Variants in EYA1 observed in about 807,000 individuals in gnomAD.
EYA1 encodes protein phosphatase EYA1.
Under a neutral mutation model 82.0 loss-of-function variants are expected in EYA1, and 16 were observed. The ratio of observed to expected loss-of-function variants is 0.20; its 90% CI spans 0.13 to 0.30. The LOEUF (loss-of-function observed/expected upper bound fraction) is 0.30, where lower values mean the gene tolerates loss of function less well. Ranked by LOEUF, EYA1 falls within the 10% of genes least tolerant of loss-of-function variation. EYA1 has a pLI of 1.00. For synonymous variants in EYA1, 261 were observed against 264.4 expected, an observed-to-expected ratio of 0.99 and a Z score of 0.12; for missense variants, 633 against 730.7, an observed-to-expected ratio of 0.87 and a Z score of 1.54.
At position 71,515,828 on chromosome 8, in the gene EYA1, T is replaced by C. The variant is rs531298796; in HGVS notation, c.33+19916A>G. Among the ~76,000 whole-genome samples, 3 of 152,324 alleles carry C rather than the reference T, an allele frequency of 2.0e-5. No homozygotes were observed. The South Asian group carries it at 6.2e-4, about 32-fold the overall frequency. On this transcript the variant is annotated intron_variant, in intron 2 of 18. Coordinates refer to the EYA1 transcript ENST00000643681. ...ACAAGACCTTTTGCAATTCAAACTT[T>C]CTTTTGAAATTCTTATTTATTTTCT...
At chr8:71,475,968 A>T (rs1356384874) in intron 2 of EYA1, among the ~76,000 whole-genome samples, 1 of 152,176 alleles carries the variant, frequency 6.6e-6, no homozygotes, top group Non-Finnish European at 1.5e-5. Context: ...TGCATTTCCT[A>T]ATTTAAAGCT....
intron 2 of EYA1, among the ~76,000 whole-genome samples, chr8:71,525,783 T>C (rs1813767254): frequency 6.6e-6 from 1 of 152,212 alleles, no homozygotes; most frequent in South Asian, 2.1e-4. Context: ...CCAAAGGTGC[T>C]TGATTCCCTG....
At chr8:71,244,161 C>A (rs577329356) in intron 12 of EYA1, among the ~76,000 whole-genome samples, 1 of 152,130 alleles carries the variant, frequency 6.6e-6, no homozygotes, top group East Asian at 1.9e-4. Flanking sequence ...ACAGCAGAGG[C>A]CAGACTAAAA....
chr8:71,344,187 G>A (rs765815202), intron 3 of EYA1, among the ~76,000 whole-genome samples: 1 of 151,854 alleles, frequency 6.6e-6, no homozygotes, highest in Non-Finnish European at 1.5e-5. Context: ...TGTGCCATTC[G>A]ATGACTTTCA....
chr8:71,545,346 C>T (rs1186418728), intron 1 of EYA1, among the ~76,000 whole-genome samples: 3 of 151,962 alleles, frequency 2.0e-5, no homozygotes, highest in African/African-American at 7.3e-5. Flanking sequence ...CTTTTTATAT[C>T]CAAAAAGAAA....
chr8:71,229,509 A>G (rs1168399034), intron 12 of EYA1, among the ~76,000 whole-genome samples: 2 of 152,196 alleles, frequency 1.3e-5, no homozygotes, highest in African/African-American at 4.8e-5. Flanking sequence ...CTAACGCTGG[A>G]CCAAACACAT....
chr8:71,255,711 T>C (rs752952125), intron 11 of EYA1, among the ~76,000 whole-genome samples: 2 of 151,826 alleles, frequency 1.3e-5, no homozygotes, highest in Non-Finnish European at 2.9e-5. Flanking sequence ...GCAAAGGCAA[T>C]AACCAAGAAA....
chr8:71,409,567 A>C lies in EYA1; in HGVS notation c.34-53056T>G, dbSNP rs1211236552. Among the ~76,000 whole-genome samples, 37 of 15,776 alleles carry C rather than the reference A, an allele frequency of 2.3e-3. 1 individual carries two copies. In the East Asian group the frequency reaches 0.028, roughly 12 times the overall value. The allele number at this position is 15,776 out of a possible 152,430, so 10.3% of individuals were successfully genotyped here. ...ATCACCACCGATCCCACAGAAATAC[A>C]AACTACCATCAGAGAATACTACAAA... On this transcript the variant is annotated intron_variant, in intron 2 of 18. Coordinates refer to the EYA1 transcript ENST00000643681.
chr8:71,313,042 G>A (rs1190575181), intron 7 of EYA1, among the ~76,000 whole-genome samples: 2 of 152,124 alleles, frequency 1.3e-5, no homozygotes, highest in Non-Finnish European at 2.9e-5. Flanking sequence ...CTTGGTTGAT[G>A]ACTGTCTCTC....
intron 2 of EYA1, among the ~76,000 whole-genome samples, chr8:71,453,345 T>G (rs1807554119): frequency 1.3e-4 from 20 of 152,206 alleles, no homozygotes; most frequent in Admixed American, 1.3e-3. Flanking sequence ...GAAAACACTC[T>G]GCAGGATATT....
At chr8:71,344,135 A>G (rs1046502516) in intron 3 of EYA1, among the ~76,000 whole-genome samples, 2 of 152,266 alleles carry the variant, frequency 1.3e-5, no homozygotes, top group Admixed American at 1.3e-4. Context: ...TTGACTTTTT[A>G]TAAAGTAAAA....
At chr8:71,346,100 TGG>T (rs1363376395) in intron 3 of EYA1, among the ~76,000 whole-genome samples, 11 of 152,104 alleles carry the variant, frequency 7.2e-5, no homozygotes, top group Admixed American at 6.6e-5. Context: ...TCTTTCTTCC[TGG>T]CATGGCACTC....
chr8:71,201,019 G>A (rs981142808), intron 17 of EYA1, among the ~76,000 whole-genome samples: 1 of 144,976 alleles, frequency 6.9e-6, no homozygotes, highest in African/African-American at 2.6e-5. Flanking sequence ...TGGCATACTA[G>A]ATGGGTATGA....
chr8:71,394,005 T>C (rs1179141943), intron 2 of EYA1, among the ~76,000 whole-genome samples: 28 of 152,220 alleles, frequency 1.8e-4, no homozygotes, highest in Admixed American at 1.8e-3. Context: ...AGATGGTATC[T>C]CATGGTGGTT....
In EYA1 at chr8:71,305,674, T is replaced by TAAATAAATA. The variant is rs368912331; in HGVS notation, c.557-5955_557-5954insTATTTATTT. On this transcript the variant is annotated intron_variant, in intron 7 of 17. Coordinates refer to ENST00000340726, the MANE Select transcript of EYA1 (RefSeq NM_000503.6). ...ATAAATAAATAAATAAATAAATAAATAATTGTTAACAATCATAGTCATGGT... is the reference window on the plus strand; with the variant it reads ...ATAAATAAATAAATAAATAAATAAATAAATAAATAAATTGTTAACAATCATAGTCATGGT... 1.9e-3 allele frequency among the ~76,000 whole-genome samples: 288 copies of TAAATAAATA among 151,672 alleles called. 1 individual carries two copies. Among genetic ancestry groups the TAAATAAATA allele is most frequent in the African/African-American group, 6.6e-3 (272 of 41,310 alleles).
upstream of EYA1, among the ~76,000 whole-genome samples, chr8:71,366,738 A>AT (rs1300019849): frequency 4.6e-5 from 7 of 152,054 alleles, no homozygotes; most frequent in African/African-American, 1.4e-4. Flanking sequence ...AATATGAGTG[A>AT]TTTTTTCCCT....
chr8:71,240,283 T>A (rs74884868), intron 12 of EYA1, among the ~76,000 whole-genome samples: 2 of 143,042 alleles, frequency 1.4e-5, no homozygotes, highest in African/African-American at 5.2e-5. Flanking sequence ...TTTTTTTTTT[T>A]AATAGAAAGG....
At chr8:71,514,231 C>A (rs924478049) in intron 2 of EYA1, among the ~76,000 whole-genome samples, 1 of 151,974 alleles carries the variant, frequency 6.6e-6, no homozygotes, top group African/African-American at 2.4e-5. Flanking sequence ...TTATCTTTTG[C>A]TCTTGAGATT....
At chr8:71,331,592 C>A (rs1388102498) in intron 4 of EYA1, among the ~76,000 whole-genome samples, 1 of 151,696 alleles carries the variant, frequency 6.6e-6, no homozygotes, top group East Asian at 1.9e-4. Context: ...GAGAGAATCA[C>A]TGTTAATTTT....
Sources: allele counts gnomAD v4.1 joint callset (sites outside exome capture counted in the v4.1 genomes callset), GRCh38; gene constraint gnomAD v4.1.1; transcripts MANE v1.5; gene names NCBI Gene and HGNC (gene_info 2026-07-23, HGNC 2026-07-21).